Variants in ANO2 observed in about 807,000 individuals in gnomAD.
The protein encoded by ANO2 is anoctamin 2.
ANO2 carries 101 observed loss-of-function variants against 124.2 expected under a neutral mutation model. The ratio of observed to expected loss-of-function variants is 0.81; its 90% CI spans 0.69 to 0.96. The LOEUF (loss-of-function observed/expected upper bound fraction) is 0.96, where lower values mean the gene tolerates loss of function less well. Among genes scored for constraint, ANO2 ranks in the 40% least tolerant of loss-of-function variants. ANO2 has a pLI of 0.00. For synonymous variants in ANO2, 486 were observed against 482.5 expected (o/e 1.01, Z -0.09); for missense variants, 1,293 against 1,274.5 (o/e 1.01, Z -0.22).
chr12:5,853,166 ATTT>A (rs55663635), intron 4 of ANO2, among the ~76,000 whole-genome samples: 1 of 140,058 alleles, frequency 7.1e-6, no homozygotes, highest in Non-Finnish European at 1.5e-5. Context: ...CCCTGGGTAG[ATTT>A]TTTTTTTTTT....
At chr12:5,730,949 G>GT (rs1231869718) in intron 14 of ANO2, among the ~76,000 whole-genome samples, 1 of 152,196 alleles carries the variant, frequency 6.6e-6, no homozygotes, top group African/African-American at 2.4e-5. Context: ...GCATTCAGAT[G>GT]TTTTTTAATT....
intron 14 of ANO2, among the ~76,000 whole-genome samples, chr12:5,677,072 G>C (rs1948279395): frequency 6.7e-6 from 1 of 149,228 alleles, no homozygotes; most frequent in Non-Finnish European, 1.5e-5. Context: ...AAAAAATAAA[G>C]AAGAAGGAAA....
At chr12:5,694,519 A>G (rs1441810156) in intron 14 of ANO2, among the ~76,000 whole-genome samples, 2 of 152,026 alleles carry the variant, frequency 1.3e-5, no homozygotes, top group Admixed American at 1.3e-4. Context: ...GTTTCAAGGA[A>G]CCAGATTTTT....
intron 14 of ANO2, among the ~76,000 whole-genome samples, chr12:5,649,194 G>A (rs1946792880): frequency 6.6e-6 from 1 of 152,210 alleles, no homozygotes; most frequent in African/African-American, 2.4e-5. Context: ...GAAGGGAGCT[G>A]AGAAGAGGAA....
rs770351772 is a variant in ANO2, at chr12:5,895,527, G to GA, written c.534+25512dup. The stretch of plus-strand genomic sequence containing the variant: ...ATAAACAAATAGCCAACAAACATAT[G>GA]AAAAAATGTTCAACATCACTAATCA... On this transcript the variant is annotated intron_variant, in intron 3 of 24. Transcript: ENST00000682330. 2.7e-4 allele frequency among the ~76,000 whole-genome samples: 41 copies of GA among 152,076 alleles called. No homozygotes were observed. In the Middle Eastern group the frequency reaches 0.01, roughly 38 times the overall value.
At chr12:5,811,903 G>A (rs2137181569) in intron 7 of ANO2, among the ~76,000 whole-genome samples, 1 of 152,244 alleles carries the variant, frequency 6.6e-6, no homozygotes, top group East Asian at 1.9e-4. Context: ...AGAGGGAAAG[G>A]TTGAGTTGTT....
intron 3 of ANO2, among the ~76,000 whole-genome samples, chr12:5,870,058 T>G (rs1194227689): frequency 6.6e-6 from 1 of 152,082 alleles, no homozygotes; most frequent in Non-Finnish European, 1.5e-5. Context: ...AGAGAGTAAG[T>G]ACCAAAGACT....
intron 16 of ANO2, among the ~76,000 whole-genome samples, chr12:5,626,207 G>C (rs964393807): frequency 6.6e-6 from 1 of 152,092 alleles, no homozygotes; most frequent in Admixed American, 6.5e-5. Flanking sequence ...GCAATCACAG[G>C]ATCTGTTGCG....
At chr12:5,597,547 C>T (rs1247372147) in intron 20 of ANO2, among the ~76,000 whole-genome samples, 6 of 152,166 alleles carry the variant, frequency 3.9e-5, no homozygotes, top group African/African-American at 1.2e-4. Flanking sequence ...CGTCTATATA[C>T]ATAAACTAGA....
chr12:5,743,357 TGGGC>T (rs1565633127), intron 12 of ANO2, among the ~76,000 whole-genome samples: 1 of 152,206 alleles, frequency 6.6e-6, no homozygotes, highest in East Asian at 1.9e-4. Context: ...GCTACTCAGA[TGGGC>T]TGACACAGGT....
intron 20 of ANO2, among the ~76,000 whole-genome samples, chr12:5,580,249 C>T (rs1356052841): frequency 1.3e-5 from 2 of 152,114 alleles, no homozygotes; most frequent in African/African-American, 2.4e-5. Context: ...AAAATATGTA[C>T]AATGTACATA....
chr12:5,596,051 C>T (rs992754714), intron 20 of ANO2, among the ~76,000 whole-genome samples: 4 of 152,120 alleles, frequency 2.6e-5, no homozygotes, highest in Non-Finnish European at 4.4e-5. Context: ...CTAATCACAC[C>T]TATGTGAATC....
chr12:5,817,959 C>A (rs1476843672), intron 7 of ANO2, among the ~76,000 whole-genome samples: 1 of 152,108 alleles, frequency 6.6e-6, no homozygotes, highest in Non-Finnish European at 1.5e-5. Context: ...AGAAGGAGAG[C>A]AGTTGAGTAG....
chr12:5,938,898 G>A (rs1222585639), intron 1 of ANO2, among the ~76,000 whole-genome samples: 1 of 151,798 alleles, frequency 6.6e-6, no homozygotes, highest in African/African-American at 2.4e-5. Context: ...AGGAGCACCT[G>A]TAACCAAGGC....
intron 15 of ANO2, among the ~76,000 whole-genome samples, chr12:5,645,706 A>G (rs923810962): frequency 6.6e-6 from 1 of 152,128 alleles, no homozygotes; most frequent in African/African-American, 2.4e-5. Context: ...TGGTGCTTCA[A>G]CTTCTTGAGT....
intron 23 of ANO2, among the ~76,000 whole-genome samples, chr12:5,566,695 G>A (rs1941783227): frequency 6.6e-6 from 1 of 152,160 alleles, no homozygotes; most frequent in Admixed American, 6.5e-5. Flanking sequence ...TCATCTTCAC[G>A]ACAACATCCT....
intron 14 of ANO2, among the ~76,000 whole-genome samples, chr12:5,679,314 G>A (rs1476050355): frequency 6.6e-6 from 1 of 152,188 alleles, no homozygotes; most frequent in African/African-American, 2.4e-5. Context: ...AAGAGCTTCT[G>A]CACAGCAAAA....
At chr12:5,742,979 G>A (rs1254874844) in intron 12 of ANO2, among the ~76,000 whole-genome samples, 5 of 151,876 alleles carry the variant, frequency 3.3e-5, no homozygotes, top group Non-Finnish European at 7.4e-5. Flanking sequence ...TGTGCTCCCG[G>A]GACGCAGCTG....
intron 16 of ANO2, among the ~76,000 whole-genome samples, chr12:5,628,339 A>T (rs1411063573): frequency 6.6e-6 from 1 of 152,154 alleles, no homozygotes; most frequent in Non-Finnish European, 1.5e-5. Flanking sequence ...TCATTCACAT[A>T]TGTGAGTGCA....
Sources: allele counts gnomAD v4.1 joint callset (sites outside exome capture counted in the v4.1 genomes callset), GRCh38; gene constraint gnomAD v4.1.1; transcripts MANE v1.5; gene names NCBI Gene and HGNC (gene_info 2026-07-23, HGNC 2026-07-21).